The following TENM3 variants were observed in gnomAD, a reference collection of about 807,000 sequenced individuals.
TENM3 encodes teneurin-3.
A neutral mutation model predicts 255.1 loss-of-function variants in TENM3; 63 were observed. That is an observed-to-expected ratio of 0.25 (90% CI 0.20 to 0.30). TENM3 has a LOEUF of 0.30. Among genes scored for constraint, TENM3 ranks in the 10% least tolerant of loss-of-function variants. The probability of loss-of-function intolerance (pLI) is 1.00; values close to 1 mark genes in which losing one functional copy is unlikely to be tolerated. For missense variants in TENM3, 2,929 were observed against 3,461.1 expected, an observed-to-expected ratio of 0.85 and a Z score of 3.86; for synonymous variants, 1,306 against 1,322.3, an observed-to-expected ratio of 0.99 and a Z score of 0.27.
the TENM3 span, among the ~76,000 whole-genome samples, chr4:181,712,939 T>C: frequency 2.6e-5 from 4 of 152,338 alleles, no homozygotes; most frequent in South Asian, 8.3e-4. Context: ...GGTTGATTAA[T>C]TGATTAACTC....
the TENM3 span, among the ~76,000 whole-genome samples, chr4:181,795,919 G>C: frequency 6.6e-6 from 1 of 152,138 alleles, no homozygotes; most frequent in African/African-American, 2.4e-5. Flanking sequence ...GACTCCAATG[G>C]GCAAAGCACA....
At position 182,737,002 on chromosome 4, in the gene TENM3, C is replaced by T; in HGVS notation, c.3162C>T (p.Asn1054=). ...LFQKWFPASP[N]LAYTFIWDKT... The stretch of plus-strand genomic sequence containing the variant: ...AAAAGTGGTTTCCTGCCTCACCAAA[C>T]TTGGCCTATACTTTCATATGGGATA... The change falls in exon 17 of 28, where the codon AAC becomes AAT. Residue 1054 remains asparagine (N), a synonymous_variant. Transcript: ENST00000511685. 6.2e-7 allele frequency: 1 copy of T among 1,613,826 alleles called. No homozygotes were observed. The highest frequency in any genetic ancestry group is 8.5e-7 in the Non-Finnish European group (1 of 1,179,756).
the TENM3 span, among the ~76,000 whole-genome samples, chr4:182,093,765 G>A: frequency 0.038 from 5,773 of 152,188 alleles, 141 homozygotes; most frequent in South Asian, 0.06. Context: ...ACCAGGGCAC[G>A]CTTCCACGAC....
intron 3 of TENM3, among the ~76,000 whole-genome samples, chr4:182,386,640 G>A (rs1382787877): frequency 8.1e-6 from 1 of 123,432 alleles, no homozygotes; most frequent in African/African-American, 2.5e-5. Flanking sequence ...GGGCTTGGCG[G>A]GCCCCGCACT....
chr4:182,529,247 G>A (rs1739534987), intron 3 of TENM3, among the ~76,000 whole-genome samples: 1 of 152,186 alleles, frequency 6.6e-6, no homozygotes, highest in Non-Finnish European at 1.5e-5. Flanking sequence ...AGGAACGCTG[G>A]TGTTCTAAAG....
At chr4:182,562,278 T>C (rs1279749442) in intron 3 of TENM3, among the ~76,000 whole-genome samples, 1 of 152,120 alleles carries the variant, frequency 6.6e-6, no homozygotes, top group East Asian at 1.9e-4. Flanking sequence ...AAATCAGAGT[T>C]TCTTATTAAC....
At chr4:182,330,488 T>C (rs1321413437) in intron 2 of TENM3, among the ~76,000 whole-genome samples, 1 of 152,220 alleles carries the variant, frequency 6.6e-6, no homozygotes, top group Non-Finnish European at 1.5e-5. Context: ...TATGTCCTGC[T>C]TCAGGGGAGA....
At chr4:182,606,912 A>G (rs1445954694) in intron 4 of TENM3, among the ~76,000 whole-genome samples, 1 of 152,228 alleles carries the variant, frequency 6.6e-6, no homozygotes, top group Non-Finnish European at 1.5e-5. Flanking sequence ...CCTGGTGGAT[A>G]TAGTAGGGAT....
the TENM3 span, among the ~76,000 whole-genome samples, chr4:181,994,452 T>G: frequency 6.6e-6 from 1 of 152,114 alleles, no homozygotes; most frequent in Non-Finnish European, 1.5e-5. Context: ...CGCTGGGTAG[T>G]TTTACAGAAT....
the TENM3 span, among the ~76,000 whole-genome samples, chr4:181,614,615 C>T: frequency 6.6e-6 from 1 of 152,184 alleles, no homozygotes; most frequent in Non-Finnish European, 1.5e-5. Flanking sequence ...AACTGTTCTT[C>T]CTGCTCAATG....
the TENM3 span, among the ~76,000 whole-genome samples, chr4:181,927,377 T>A: frequency 1.2e-4 from 19 of 152,324 alleles, no homozygotes; most frequent in South Asian, 3.7e-3. Flanking sequence ...GTAGGTGTTT[T>A]GCCCCTCACA....
At chr4:182,024,377 T>C in the TENM3 span, among the ~76,000 whole-genome samples, 1 of 152,308 alleles carries the variant, frequency 6.6e-6, no homozygotes, top group Non-Finnish European at 1.5e-5. Context: ...TAGAAAAGTG[T>C]CAAATATTTA....
At chr4:182,747,065 C>G (rs992556109) in intron 19 of TENM3, among the ~76,000 whole-genome samples, 1 of 152,130 alleles carries the variant, frequency 6.6e-6, no homozygotes, top group African/African-American at 2.4e-5. Context: ...CTGGCGTGCT[C>G]CTTATCCTCG....
chr4:181,843,746 G>A, the TENM3 span, among the ~76,000 whole-genome samples: 2 of 137,244 alleles, frequency 1.5e-5, no homozygotes, highest in Non-Finnish European at 3.1e-5. Context: ...TTGAGACGGA[G>A]TCTCTCCCTG....
intron 6 of TENM3, among the ~76,000 whole-genome samples, chr4:182,670,689 C>G (rs912725731): frequency 6.6e-6 from 1 of 152,142 alleles, no homozygotes; most frequent in Non-Finnish European, 1.5e-5. Flanking sequence ...TCCCTCAAAC[C>G]TCACATTTAT....
Position 182,702,763 on chromosome 4 carries a change from C to A in TENM3, c.2222-11324C>A, listed in dbSNP as rs375833248. 3.7e-4 allele frequency among the ~76,000 whole-genome samples: 56 copies of A among 150,388 alleles called. 1 individual carries two copies. The East Asian group carries it at 1.0e-2, about 27-fold the overall frequency. ...TTTTTTTTTTCTTTTTTTGAGACGG[C>A]GTCTGGCTCTGTCGCCCAGGCTGGA... On this transcript the variant is annotated intron_variant, in intron 12 of 27. Transcript: ENST00000511685.
chr4:181,458,788 A>G, the TENM3 span, among the ~76,000 whole-genome samples: 1 of 151,962 alleles, frequency 6.6e-6, no homozygotes, highest in Admixed American at 6.6e-5. Flanking sequence ...TGTTGTATTT[A>G]TTCATGCACC....
chr4:182,402,917 T>C (rs1769303054), intron 3 of TENM3, among the ~76,000 whole-genome samples: 1 of 152,234 alleles, frequency 6.6e-6, no homozygotes, highest in African/African-American at 2.4e-5. Context: ...CTCTGACAAA[T>C]ATGATTTGAG....
chr4:182,750,133 A>G (rs1258535507), intron 19 of TENM3, among the ~76,000 whole-genome samples: 1 of 152,250 alleles, frequency 6.6e-6, no homozygotes, highest in African/African-American at 2.4e-5. Context: ...TGATATCATA[A>G]CACTTAGCAC....
Sources: allele counts gnomAD v4.1 joint callset (sites outside exome capture counted in the v4.1 genomes callset), GRCh38; gene constraint gnomAD v4.1.1; transcripts MANE v1.5; gene names NCBI Gene and HGNC (gene_info 2026-07-23, HGNC 2026-07-21).